The following PLCG2 variants were observed in gnomAD, a reference collection of about 807,000 sequenced individuals.
The protein encoded by PLCG2 is 1-phosphatidylinositol 4,5-bisphosphate phosphodiesterase gamma-2.
PLCG2 carries 69 observed loss-of-function variants against 175.6 expected under a neutral mutation model. That is an observed-to-expected ratio of 0.39 (90% confidence interval 0.32 to 0.48). PLCG2 has a LOEUF of 0.48. Ranked by LOEUF, PLCG2 falls within the 20% of genes least tolerant of loss-of-function variation. The probability of loss-of-function intolerance (pLI) is 0.91; values close to 1 mark genes in which losing one functional copy is unlikely to be tolerated. For synonymous variants in PLCG2, 827 were observed against 624.0 expected (o/e 1.33, Z -4.85); for missense variants, 1,798 against 1,650.9 (o/e 1.09, Z -1.54).
At chr16:81,944,761 C>T (rs1182063791) in intron 30 of PLCG2, among the ~76,000 whole-genome samples, 1 of 152,168 alleles carries the variant, frequency 6.6e-6, no homozygotes, top group African/African-American at 2.4e-5. Context: ...CAGGCATGAG[C>T]CACCGTACTT....
intron 9 of PLCG2, chr16:81,883,547 G>C (rs1248833150): frequency 1.7e-6 from 1 of 594,298 alleles, no homozygotes; most frequent in African/African-American, 1.9e-5. Flanking sequence ...TGAAACTCTG[G>C]ATGAGAAGAG....
At chr16:81,833,431 G>C (rs968025510) in intron 2 of PLCG2, among the ~76,000 whole-genome samples, 1 of 151,966 alleles carries the variant, frequency 6.6e-6, no homozygotes, top group East Asian at 1.9e-4. Context: ...TGTGGGTGAG[G>C]AGGAGGCACC....
At chr16:81,874,229 A>G (rs1057165053) in intron 7 of PLCG2, among the ~76,000 whole-genome samples, 1 of 152,186 alleles carries the variant, frequency 6.6e-6, no homozygotes, top group Non-Finnish European at 1.5e-5. Context: ...TCTGGCTATA[A>G]ATAGGGTCAC....
At chr16:81,788,695 C>T (rs1360855688) in intron 2 of PLCG2, among the ~76,000 whole-genome samples, 1 of 152,202 alleles carries the variant, frequency 6.6e-6, no homozygotes, top group African/African-American at 2.4e-5. Flanking sequence ...TGTATCCTAT[C>T]ATGAGTGTGA....
intron 2 of PLCG2, among the ~76,000 whole-genome samples, chr16:81,763,407 C>T (rs1174699838): frequency 2.6e-5 from 4 of 152,248 alleles, no homozygotes; most frequent in African/African-American, 9.6e-5. Context: ...TCTGCAAGGT[C>T]TCTTGTCCAG....
chr16:81,956,605 C>G, intron 31 of PLCG2, 90 bp from the exon 32 acceptor site: 3 of 1,184,434 alleles, frequency 2.5e-6, no homozygotes, highest in Non-Finnish European at 3.6e-6. Context: ...CCCCATGCTC[C>G]CTTTGGGCAT....
intron 2 of PLCG2, chr16:81,798,816 GC>G (rs1222183441): frequency 2.0e-5 from 3 of 152,328 alleles, no homozygotes; most frequent in Non-Finnish European, 4.4e-5. Context: ...TGGAGGAGGG[GC>G]TGGCCTCCCC....
At chr16:81,953,990 C>A (rs757855848) in intron 31 of PLCG2, among the ~76,000 whole-genome samples, 6 of 152,106 alleles carry the variant, frequency 3.9e-5, no homozygotes, top group Non-Finnish European at 8.8e-5. Context: ...AGAGACCTTT[C>A]ATGGTATAGT....
chr16:81,950,704 G>T (rs1911332433), intron 31 of PLCG2, among the ~76,000 whole-genome samples: 1 of 152,084 alleles, frequency 6.6e-6, no homozygotes, highest in South Asian at 2.1e-4. Flanking sequence ...CAAAAAGATG[G>T]CAAAATTGCT....
chr16:81,951,498 T>A (rs1439480786), intron 31 of PLCG2, among the ~76,000 whole-genome samples: 1 of 152,208 alleles, frequency 6.6e-6, no homozygotes, highest in Non-Finnish European at 1.5e-5. Flanking sequence ...TAGTTTTGTC[T>A]TCATTTAAAT....
chr16:81,925,610 G>C (rs183935320), intron 22 of PLCG2, among the ~76,000 whole-genome samples: 1 of 152,188 alleles, frequency 6.6e-6, no homozygotes, highest in Admixed American at 6.5e-5. Context: ...AAGGTCAGCC[G>C]GGTGCAGTGA....
At chr16:81,768,767 A>G (rs1910210200) in intron 2 of PLCG2, among the ~76,000 whole-genome samples, 1 of 151,950 alleles carries the variant, frequency 6.6e-6, no homozygotes, top group Non-Finnish European at 1.5e-5. Flanking sequence ...GGGTTTCACC[A>G]TGTTGGCCAC....
chr16:81,743,338 C>G (rs11860227), intron 1 of PLCG2, among the ~76,000 whole-genome samples: 60,719 of 151,884 alleles, frequency 0.4, 12,373 homozygotes, highest in East Asian at 0.71. Context: ...ATGACAGAGA[C>G]AGACCCTATC....
intron 2 of PLCG2, among the ~76,000 whole-genome samples, chr16:81,770,434 C>T (rs1035193956): frequency 1.3e-5 from 2 of 152,108 alleles, no homozygotes; most frequent in Non-Finnish European, 2.9e-5. Flanking sequence ...ATTTTTTGGC[C>T]TGGTGTGGTA....
intron 2 of PLCG2, among the ~76,000 whole-genome samples, chr16:81,801,155 A>C (rs1911701229): frequency 6.6e-6 from 1 of 152,340 alleles, no homozygotes; most frequent in Middle Eastern, 3.4e-3. Flanking sequence ...GGAATTCAGT[A>C]GCGTAGCGAT....
intron 1 of PLCG2, among the ~76,000 whole-genome samples, chr16:81,781,161 C>T (rs547399544): frequency 6.6e-6 from 1 of 152,326 alleles, no homozygotes; most frequent in African/African-American, 2.4e-5. Flanking sequence ...CTACCCTCTC[C>T]CAGCCTCCGA....
chr16:81,841,920 C>A (rs1233135077), intron 2 of PLCG2, among the ~76,000 whole-genome samples: 2 of 152,208 alleles, frequency 1.3e-5, no homozygotes, highest in Non-Finnish European at 2.9e-5. Flanking sequence ...AGTGAAACCA[C>A]CAGCAGCTGG....
intron 30 of PLCG2, among the ~76,000 whole-genome samples, chr16:81,942,598 T>C (rs928957891): frequency 6.6e-6 from 1 of 152,166 alleles, no homozygotes; most frequent in East Asian, 1.9e-4. Flanking sequence ...GCAGCCTTTA[T>C]TGTGTTAGGT....
chr16:81,740,889 T>C (rs1271883354), intron 1 of PLCG2, among the ~76,000 whole-genome samples: 2 of 152,138 alleles, frequency 1.3e-5, no homozygotes, highest in African/African-American at 4.8e-5. Flanking sequence ...AGGGTTCTCT[T>C]GAGTCCCTGG....
Sources: gnomAD v4.1 joint callset for allele counts (sites outside exome capture counted in the v4.1 genomes callset) on GRCh38, gnomAD v4.1.1 for gene constraint, MANE v1.5 for transcripts, NCBI Gene and HGNC (gene_info 2026-07-23, HGNC 2026-07-21) for gene names.